SCYL2: variants seen among roughly 807,000 people sequenced by gnomAD.
SCYL2 encodes the protein SCY1 like pseudokinase 2.
Under a neutral mutation model 100.4 loss-of-function variants are expected in SCYL2, and 36 were observed. That is an observed-to-expected ratio of 0.36 (90% CI 0.27 to 0.47). SCYL2 has a LOEUF of 0.47. Ranked by LOEUF, SCYL2 falls within the 20% of genes least tolerant of loss-of-function variation. The probability of loss-of-function intolerance (pLI) is 1.00; values close to 1 mark genes in which losing one functional copy is unlikely to be tolerated. For missense variants in SCYL2, 902 were observed against 1,083.9 expected (o/e 0.83, Z 2.36); for synonymous variants, 330 against 359.2 (o/e 0.92, Z 0.92).
chr12:100,337,231 A>C (rs1422699652), intron 16 of SCYL2, among the ~76,000 whole-genome samples, 156 bp from the exon 17 acceptor site: 1 of 152,184 alleles, frequency 6.6e-6, no homozygotes, highest in Non-Finnish European at 1.5e-5. Context: ...ATTATATAGT[A>C]ATTTGAAATA....
At chr12:100,335,544 G>A (rs924777740) in intron 14 of SCYL2, 81 bp from the exon 15 acceptor site, 2 of 996,946 alleles carry the variant, frequency 2.0e-6, no homozygotes, top group Admixed American at 2.4e-5. Flanking sequence ...TAAATTCCAT[G>A]TGAATAAATA....
chr12:100,294,730 G>T (rs2096316370), intron 3 of SCYL2, among the ~76,000 whole-genome samples: 5 of 137,462 alleles, frequency 3.6e-5, no homozygotes, highest in Admixed American at 3.5e-4. Context: ...GGACGGGGTG[G>T]CTGGCCGGGT....
At chr12:100,309,147 T>TGCGC (rs2096338691) in intron 4 of SCYL2, among the ~76,000 whole-genome samples, 2 of 150,310 alleles carry the variant, frequency 1.3e-5, no homozygotes, top group African/African-American at 2.5e-5. Context: ...CGCGCGTGTG[T>TGCGC]GCAGCTAGTT....
chr12:100,317,579 T>G (rs1463475475), intron 9 of SCYL2: 2 of 1,018,908 alleles, frequency 2.0e-6, no homozygotes, highest in Non-Finnish European at 2.6e-6. Context: ...AGGAGATTAG[T>G]CTTTATTTAA....
At chr12:100,303,677 T>TG (rs1266044656) in intron 4 of SCYL2, among the ~76,000 whole-genome samples, 1 of 152,178 alleles carries the variant, frequency 6.6e-6, no homozygotes, top group Non-Finnish European at 1.5e-5. Flanking sequence ...AGAGCTCTCC[T>TG]GTATGAGATG....
chr12:100,283,080 A>C lies in SCYL2; in HGVS notation c.110A>C (p.His37Pro), dbSNP rs1421461766. 6.2e-7 allele frequency: 1 copy of C among 1,613,098 alleles called. No homozygotes were observed. Among genetic ancestry groups the C allele is most frequent in the Non-Finnish European group, 8.5e-7 (1 of 1,179,608 alleles). Reference sequence around the variant, plus strand: ...ACTAGAGAATTTGATGTTGGTCGACACATTGCCAGTGGTGGCAATGGGCTA... The same window carrying C: ...ACTAGAGAATTTGATGTTGGTCGACCCATTGCCAGTGGTGGCAATGGGCTA... ...PVTREFDVGR[H>P]IASGGNGLAW... The change falls in exon 2 of 18, where the codon CAC becomes CCC. Residue 37 changes from histidine (H) to proline (P), a missense_variant. Coordinates refer to ENST00000360820, the MANE Select transcript of SCYL2 (RefSeq NM_017988.6).
chr12:100,329,362 T>A, intron 13 of SCYL2, 43 bp downstream of exon 13: 4 of 943,396 alleles, frequency 4.2e-6, no homozygotes, highest in Non-Finnish European at 6.9e-6. Context: ...TCAGCTTACT[T>A]TTTTCTTGGC....
intron 4 of SCYL2, among the ~76,000 whole-genome samples, chr12:100,306,176 CA>C (rs1257251503): frequency 2.0e-5 from 3 of 152,086 alleles, no homozygotes; most frequent in Non-Finnish European, 2.9e-5. Context: ...ATCCTGATAC[CA>C]AAACCTGGCA....
At chr12:100,276,717 T>G (rs972092430) in intron 1 of SCYL2, among the ~76,000 whole-genome samples, 79 of 152,218 alleles carry the variant, frequency 5.2e-4, no homozygotes, top group Non-Finnish European at 8.5e-4. Flanking sequence ...TTCATTGGAT[T>G]TTTTTCCTCT....
In SCYL2 at chr12:100,338,886, C is replaced by G; in HGVS notation, c.2504C>G (p.Thr835Arg). The G allele has an allele frequency of 6.2e-7, 1 of 1,614,174 alleles. No individual in the cohort carries two copies. The highest frequency in any genetic ancestry group is 8.5e-7 in the Non-Finnish European group (1 of 1,180,004). The change falls in exon 18 of 18, where the codon ACA becomes AGA. Residue 835 changes from threonine (T) to arginine (R), a missense_variant. Transcript: ENST00000360820. ...GCAAAGCAGACCCAACAAAGACCCA[C>G]AGATATGTCTGCCCTTAATAATCTC... ...AGAKQTQQRP[T>R]DMSALNNLFG...
At chr12:100,272,864 G>T (rs2096289014) in intron 1 of SCYL2, among the ~76,000 whole-genome samples, 1 of 152,092 alleles carries the variant, frequency 6.6e-6, no homozygotes, top group African/African-American at 2.4e-5. Flanking sequence ...ACACATAAAA[G>T]TATATAACGT....
intron 7 of SCYL2, among the ~76,000 whole-genome samples, 157 bp downstream of exon 7, chr12:100,313,695 C>T (rs1489110766): frequency 2.0e-5 from 3 of 152,194 alleles, no homozygotes; most frequent in African/African-American, 4.8e-5. Context: ...CAAATAACAT[C>T]TGTATCCTTG....
At position 100,267,178 on chromosome 12, in the gene SCYL2, G is replaced by C. The variant is rs1177831657; in HGVS notation, c.-643G>C. The C allele has an allele frequency of 5.4e-6, 7 of 1,303,070 alleles. No homozygotes were observed. Among genetic ancestry groups the C allele is most frequent in the African/African-American group, 1.5e-5 (1 of 67,938 alleles). 80.7% of individuals were successfully genotyped at this position (1,303,070 alleles called of 1,614,324 possible). A position where few individuals can be genotyped will look rare whatever the true frequency, so the allele number is the denominator to read the frequency against. On this transcript the variant is annotated 5_prime_UTR_variant, in exon 1 of 18. Transcript: ENST00000360820. ...ATGCCCCCGGCCGGCAGGTCTTTTA[G>C]TCTTTTTCCCCCTCCCTTACTCTTC...
intron 4 of SCYL2, among the ~76,000 whole-genome samples, chr12:100,303,820 G>A (rs1366680297): frequency 6.6e-6 from 1 of 152,182 alleles, no homozygotes; most frequent in African/African-American, 2.4e-5. Context: ...TTTACAGCCA[G>A]TAGGGAGGAA....
chr12:100,338,405 A>G, intron 17 of SCYL2, 123 bp from the exon 18 acceptor site: 1 of 775,204 alleles, frequency 1.3e-6, no homozygotes, highest in Middle Eastern at 4.0e-4. Flanking sequence ...TAGTTTGCTA[A>G]TTTGGTGTAG....
intron 2 of SCYL2, 151 bp downstream of exon 2, chr12:100,283,298 A>G (rs2096300878): frequency 4.9e-6 from 3 of 613,080 alleles, no homozygotes; most frequent in Non-Finnish European, 8.3e-6. Context: ...ATTAAGTCAT[A>G]CAAAAAAACA....
At chr12:100,318,071 C>T (rs1035220608) in intron 10 of SCYL2, 146 bp downstream of exon 10, 6 of 702,324 alleles carry the variant, frequency 8.5e-6, no homozygotes, top group Non-Finnish European at 1.3e-5. Flanking sequence ...TATTGATATA[C>T]TGTAACTAAA....
rs145320618 is a variant in SCYL2 at position 100,334,302 on chromosome 12, G to C, written c.1862+36G>C. ...TGCACATGAATTATATGTGGTCCGG[G>C]AGTGAAATTATAGTTGTCTTATGAT... On this transcript the variant is annotated intron_variant, in intron 14 of 17. Transcript: ENST00000360820. The C allele has an allele frequency of 8.1e-5, 95 of 1,166,476 alleles. No homozygotes were observed. In the African/African-American group the frequency reaches 1.3e-3, roughly 16 times the overall value. 72.3% of individuals were successfully genotyped at this position (1,166,476 alleles called of 1,614,324 possible).
At chr12:100,294,725 G>A (rs1316664911) in intron 3 of SCYL2, among the ~76,000 whole-genome samples, 4 of 132,656 alleles carry the variant, frequency 3.0e-5, no homozygotes, top group Non-Finnish European at 4.7e-5. Context: ...CTCCCGGACG[G>A]GGTGGCTGGC....
Sources: allele counts gnomAD v4.1 joint callset (sites outside exome capture counted in the v4.1 genomes callset), GRCh38; gene constraint gnomAD v4.1.1; transcripts MANE v1.5; gene names NCBI Gene and HGNC (gene_info 2026-07-23, HGNC 2026-07-21).